The following SLIT3 variants were observed in gnomAD, a reference collection of about 807,000 sequenced individuals.
The protein encoded by SLIT3 is slit guidance ligand 3.
In SLIT3, 68 loss-of-function variants were observed where a neutral mutation model predicts 184.0. The observed-to-expected ratio is 0.37, with a 90% CI of 0.30 to 0.45. The LOEUF (loss-of-function observed/expected upper bound fraction) is 0.45, where lower values mean the gene tolerates loss of function less well. Ranked by LOEUF, SLIT3 falls within the 20% of genes least tolerant of loss-of-function variation. The pLI, the probability that SLIT3 is intolerant of heterozygous loss-of-function variation, is 1.00. For missense variants in SLIT3, 1,707 were observed against 2,026.0 expected (o/e 0.84, Z 3.02); for synonymous variants, 831 against 828.6 (o/e 1.00, Z -0.05).
At chr5:169,051,054 G>C (rs1364062462) in intron 4 of SLIT3, among the ~76,000 whole-genome samples, 1 of 152,176 alleles carries the variant, frequency 6.6e-6, no homozygotes, top group African/African-American at 2.4e-5. Flanking sequence ...CTGCAAAACG[G>C]AGATGAAAAA....
At chr5:168,753,167 GGT>G (rs376176223) in intron 17 of SLIT3, 69 bp from the exon 18 acceptor site, 1,978 of 1,516,182 alleles carry the variant, frequency 1.3e-3, no homozygotes, top group Non-Finnish European at 1.4e-3. Flanking sequence ...GTGCCACGGT[GGT>G]GTGTGTGTGT....
At chr5:169,255,261 C>G (rs2113602093) in intron 1 of SLIT3, among the ~76,000 whole-genome samples, 1 of 152,264 alleles carries the variant, frequency 6.6e-6, no homozygotes, top group East Asian at 1.9e-4. Flanking sequence ...AATGGTAAAA[C>G]AGCTTCACGC....
intron 4 of SLIT3, among the ~76,000 whole-genome samples, chr5:169,192,304 G>A (rs767749407): frequency 1.3e-5 from 2 of 152,172 alleles, no homozygotes; most frequent in Non-Finnish European, 2.9e-5. Flanking sequence ...ACCTGACAAA[G>A]TGCAGGTGTG....
intron 4 of SLIT3, among the ~76,000 whole-genome samples, chr5:169,065,891 T>C (rs141542217): frequency 1.7e-3 from 254 of 152,332 alleles, no homozygotes; most frequent in Admixed American, 5.2e-3. Context: ...ATCATACATA[T>C]AGTCTCTTAA....
intron 4 of SLIT3, among the ~76,000 whole-genome samples, chr5:169,123,976 A>G (rs1407324705): frequency 6.6e-6 from 1 of 152,194 alleles, no homozygotes; most frequent in African/African-American, 2.4e-5. Flanking sequence ...CTTCTCCACC[A>G]CAACCATGCT....
chr5:169,016,021 T>A (rs879347878), intron 4 of SLIT3, among the ~76,000 whole-genome samples: 37 of 151,514 alleles, frequency 2.4e-4, no homozygotes, highest in Non-Finnish European at 5.2e-4. Context: ...TCCTGTCCCA[T>A]CTCTGCCTTT....
intron 20 of SLIT3, among the ~76,000 whole-genome samples, chr5:168,726,923 C>A (rs56196091): frequency 0.18 from 26,870 of 151,062 alleles, 2,622 homozygotes; most frequent in Non-Finnish European, 0.22. Context: ...AGGCAGGAGA[C>A]TCGCTTAAAC....
intron 6 of SLIT3, among the ~76,000 whole-genome samples, chr5:168,835,753 G>A (rs879761051): frequency 6.6e-6 from 1 of 151,392 alleles, no homozygotes; most frequent in Non-Finnish European, 1.5e-5. Context: ...GGAGGTTGCA[G>A]TGAGCCCAGA....
chr5:169,227,760 T>A (rs979625813), intron 3 of SLIT3, among the ~76,000 whole-genome samples: 1 of 152,212 alleles, frequency 6.6e-6, no homozygotes, highest in Non-Finnish European at 1.5e-5. Flanking sequence ...AAGCTGCAAT[T>A]ACCTTTGCAC....
chr5:169,129,163 T>C (rs897149180), intron 4 of SLIT3, among the ~76,000 whole-genome samples: 1 of 152,154 alleles, frequency 6.6e-6, no homozygotes, highest in Non-Finnish European at 1.5e-5. Context: ...TTTCCCTGTG[T>C]TTTTGCACCA....
intron 20 of SLIT3, among the ~76,000 whole-genome samples, chr5:168,736,227 C>T (rs544026205): frequency 2.6e-5 from 4 of 152,308 alleles, no homozygotes; most frequent in African/African-American, 7.2e-5. Context: ...TCTCAGCTCT[C>T]GGCCTGTGCT....
chr5:168,962,855 C>T (rs1021421524), intron 4 of SLIT3, among the ~76,000 whole-genome samples: 1 of 152,176 alleles, frequency 6.6e-6, no homozygotes, highest in Non-Finnish European at 1.5e-5. Context: ...TCCTCTCCTT[C>T]CCACTCTTCA....
At position 168,749,564 on chromosome 5, in the gene SLIT3, CGCCTCTTCCT is replaced by C; in HGVS notation, c.2035_2044del (p.Arg679GlyfsTer40). 1 of 1,614,200 alleles carries C rather than the reference CGCCTCTTCCT, an allele frequency of 6.2e-7. No individual in the cohort carries two copies. Among genetic ancestry groups the C allele is most frequent in the Non-Finnish European group, 8.5e-7 (1 of 1,180,024 alleles). On this transcript the variant is annotated frameshift_variant, in exon 19 of 36. Transcript: ENST00000519560. LOFTEE classifies it high-confidence loss of function. ...GCACCTAGGGTTCCCACTGACGATC[CGCCTCTTCCT>C]CAACCACTTGCCGAGCCAGGCCAGG...
intron 4 of SLIT3, among the ~76,000 whole-genome samples, chr5:169,142,291 A>T (rs1761775193): frequency 6.6e-6 from 1 of 152,128 alleles, no homozygotes; most frequent in African/African-American, 2.4e-5. Flanking sequence ...GTGTTTTATG[A>T]ACTAAAACTG....
intron 5 of SLIT3, among the ~76,000 whole-genome samples, chr5:168,856,115 GAAAAAAAAC>G (rs1475896761): frequency 5.3e-5 from 8 of 151,260 alleles, no homozygotes. Context: ...TCTTACAAAA[GAAAAAAAAC>G]AAAAAGAAAT....
intron 4 of SLIT3, among the ~76,000 whole-genome samples, chr5:169,168,441 G>A (rs1581011061): frequency 1.3e-5 from 2 of 152,108 alleles, no homozygotes; most frequent in East Asian, 3.9e-4. Flanking sequence ...TTCTGACAGG[G>A]GAAAATGCAC....
intron 4 of SLIT3, among the ~76,000 whole-genome samples, chr5:169,148,998 T>G (rs1045156595): frequency 1.3e-5 from 2 of 152,084 alleles, no homozygotes; most frequent in Non-Finnish European, 2.9e-5. Context: ...TTATTCCCAT[T>G]TTATAGAGGA....
At chr5:169,023,116 C>A (rs540793156) in intron 4 of SLIT3, among the ~76,000 whole-genome samples, 12 of 152,258 alleles carry the variant, frequency 7.9e-5, no homozygotes, top group African/African-American at 2.2e-4. Context: ...GTTATTATTA[C>A]ACCAGCCATA....
At chr5:169,262,321 G>A (rs1412816219) in intron 1 of SLIT3, among the ~76,000 whole-genome samples, 3 of 152,142 alleles carry the variant, frequency 2.0e-5, no homozygotes, top group African/African-American at 4.8e-5. Flanking sequence ...TATGGTGAGA[G>A]GCAGTGAAGG....
Sources: allele counts gnomAD v4.1 joint callset (sites outside exome capture counted in the v4.1 genomes callset), GRCh38; gene constraint gnomAD v4.1.1; transcripts MANE v1.5; gene names NCBI Gene and HGNC (gene_info 2026-07-23, HGNC 2026-07-21).